SRGAP2C: variants seen among roughly 807,000 people sequenced by gnomAD.
The protein encoded by SRGAP2C is SLIT-ROBO Rho GTPase activating protein 2C.
In SRGAP2C, 15 loss-of-function variants were observed where a neutral mutation model predicts 25.1. The observed-to-expected ratio is 0.60, with a 90% CI of 0.40 to 0.92. The LOEUF (loss-of-function observed/expected upper bound fraction) is 0.92. SRGAP2C is among the 40% of genes least tolerant of loss of function. The pLI, the probability that SRGAP2C is intolerant of heterozygous loss-of-function variation, is 0.00. For synonymous variants in SRGAP2C, 44 were observed against 96.6 expected, an observed-to-expected ratio of 0.46 and a Z score of 3.19; for missense variants, 144 against 264.4, an observed-to-expected ratio of 0.54 and a Z score of 3.16.
chr1:121,287,866 C>G (rs1657409883), intron 3 of SRGAP2C, among the ~76,000 whole-genome samples: 1 of 151,804 alleles, frequency 6.6e-6, no homozygotes, highest in Non-Finnish European at 1.5e-5. Flanking sequence ...GGCAGCGCGT[C>G]TGGAGTTGTT....
At chr1:121,271,394 T>C (rs1656955570) in intron 2 of SRGAP2C, among the ~76,000 whole-genome samples, 1 of 150,150 alleles carries the variant, frequency 6.7e-6, no homozygotes, top group African/African-American at 2.4e-5. Context: ...CACTGGTTCC[T>C]GGGTGTTCTC....
chr1:121,289,317 C>G (rs1366048802), intron 3 of SRGAP2C, among the ~76,000 whole-genome samples: 1 of 148,910 alleles, frequency 6.7e-6, no homozygotes, highest in African/African-American at 2.5e-5. Context: ...TGCTGGGGGA[C>G]TCAGTACACC....
chr1:121,225,641 A>G (rs1250810557), intron 2 of SRGAP2C, among the ~76,000 whole-genome samples: 1 of 142,160 alleles, frequency 7.0e-6, no homozygotes, highest in Non-Finnish European at 1.5e-5. Flanking sequence ...GACTTAGTAT[A>G]GTATTATACA....
intron 3 of SRGAP2C, among the ~76,000 whole-genome samples, chr1:121,309,994 A>G (rs1453123279): frequency 3.9e-4 from 7 of 17,984 alleles, no homozygotes; most frequent in African/African-American, 1.4e-3. Context: ...CTGAGGAATC[A>G]CCACACTGAC....
rs1299489939 is a variant in SRGAP2C, at chr1:121,386,118, CTG to C, written c.1057-387_1057-386del. On this transcript the variant is annotated intron_variant, in intron 8 of 9. Coordinates refer to ENST00000367123, the MANE Select transcript of SRGAP2C (RefSeq NM_001329984.2). The stretch of plus-strand genomic sequence containing the variant: ...GACCCACTTCTCTCCTGCTTTCACT[CTG>C]GTGTATGAAGGGGGATGAGGGAGGG... Among the ~76,000 whole-genome samples, 3 of 75,360 alleles carry C rather than the reference CTG, an allele frequency of 4.0e-5. 1 individual carries two copies. Among genetic ancestry groups the C allele is most frequent in the Non-Finnish European group, 7.7e-5 (3 of 38,832 alleles). The allele number at this position is 75,360 out of a possible 152,430, so 49.4% of individuals were successfully genotyped here. A position where few individuals can be genotyped will look rare whatever the true frequency, so the allele number is the denominator to read the frequency against.
chr1:121,306,064 C>T (rs2101590247), intron 3 of SRGAP2C, among the ~76,000 whole-genome samples: 1 of 152,238 alleles, frequency 6.6e-6, no homozygotes, highest in African/African-American at 2.4e-5. Flanking sequence ...GACCTTATGT[C>T]CTTATGTCCT....
intron 4 of SRGAP2C, chr1:121,362,642 A>T (rs868958547): frequency 6.6e-6 from 1 of 152,402 alleles, no homozygotes; most frequent in Middle Eastern, 3.3e-3. Flanking sequence ...TGGCAGGAGG[A>T]GATGGCCCAG....
chr1:121,262,171 GA>G (rs1317056321), intron 2 of SRGAP2C, among the ~76,000 whole-genome samples: 1 of 90,978 alleles, frequency 1.1e-5, no homozygotes, highest in Non-Finnish European at 2.1e-5. Context: ...AACTGATGAG[GA>G]TAGAAGATGA....
chr1:121,357,176 C>G (rs1659083742), intron 4 of SRGAP2C, among the ~76,000 whole-genome samples: 1 of 139,212 alleles, frequency 7.2e-6, no homozygotes, highest in East Asian at 2.2e-4. Context: ...TCAAGTGTTA[C>G]TGCTCACACA....
chr1:121,392,249 A>G lies in SRGAP2C; in HGVS notation c.*4394A>G, dbSNP rs1437214063. The G allele has an allele frequency of 6.6e-6, 1 of 152,184 alleles. No individual in the cohort carries two copies. The highest frequency in any genetic ancestry group is 1.5e-5 in the Non-Finnish European group (1 of 68,010). The allele number at this position is 152,184 out of a possible 1,614,324, so 9.4% of individuals were successfully genotyped here. A position where few individuals can be genotyped will look rare whatever the true frequency, so the allele number is the denominator to read the frequency against. On this transcript the variant is annotated 3_prime_UTR_variant, in exon 10 of 10. Coordinates refer to ENST00000367123, the MANE Select transcript of SRGAP2C (RefSeq NM_001329984.2). ...CTAGAAGGATAAATTATGTTGTTAA[A>G]AAGTTTACCATTCTTTCTTTTCACC...
intron 3 of SRGAP2C, among the ~76,000 whole-genome samples, chr1:121,305,232 A>G (rs1305083603): frequency 2.6e-5 from 4 of 151,822 alleles, no homozygotes; most frequent in Admixed American, 2.0e-4. Context: ...GCATCTGCTC[A>G]GCTGTAGGCC....
chr1:121,197,845 T>G (rs587697958), intron 2 of SRGAP2C, among the ~76,000 whole-genome samples: 2 of 350 alleles, frequency 5.7e-3, no homozygotes, highest in Non-Finnish European at 0.017. Context: ...CATAAGGCTT[T>G]CTGTAATTGA....
intron 7 of SRGAP2C, 34 bp downstream of exon 7, chr1:121,374,988 T>G (rs781993201): frequency 3.9e-6 from 3 of 766,712 alleles, no homozygotes; most frequent in South Asian, 2.7e-5. Flanking sequence ...TGAGGGCCCC[T>G]CTTTTCTGGT....
intron 5 of SRGAP2C, among the ~76,000 whole-genome samples, chr1:121,370,571 A>G (rs1659458232): frequency 6.8e-6 from 1 of 147,348 alleles, no homozygotes; most frequent in Non-Finnish European, 1.5e-5. Context: ...CCTCCCGAGT[A>G]GCTGGGACTA....
In SRGAP2C at chr1:121,281,356, CTTCT is replaced by C. The variant is rs1251595259; in HGVS notation, c.68-3440_68-3437del. Among the ~76,000 whole-genome samples, 8 of 151,690 alleles carry C rather than the reference CTTCT, an allele frequency of 5.3e-5. No homozygotes were observed. In the South Asian group the frequency reaches 1.2e-3, roughly 24 times the overall value. On this transcript the variant is annotated intron_variant, in intron 2 of 9. Transcript: ENST00000367123. ...TCCTTCTTCCTTCTTCATTCTCTTT[CTTCT>C]TTCTTTTTCTCCTCCTTTTCCTTCT... is the stretch of plus-strand genomic sequence containing the variant.
At chr1:121,305,201 CCAGCATCAGCAT>C (rs1293401377) in intron 3 of SRGAP2C, among the ~76,000 whole-genome samples, 193 of 152,054 alleles carry the variant, frequency 1.3e-3, no homozygotes, top group Non-Finnish European at 2.1e-3. Context: ...AACCAAGAAT[CCAGCATCAGCAT>C]CAGCATCAGC....
chr1:121,355,467 G>A (rs1260837384), intron 4 of SRGAP2C, among the ~76,000 whole-genome samples: 2 of 85,252 alleles, frequency 2.3e-5, no homozygotes, highest in Admixed American at 2.4e-4. Flanking sequence ...ACAGGTGCCC[G>A]CCACTACGCC....
chr1:121,345,843 G>T (rs1553343763), intron 4 of SRGAP2C, among the ~76,000 whole-genome samples: 4 of 143,594 alleles, frequency 2.8e-5, no homozygotes, highest in Non-Finnish European at 6.1e-5. Flanking sequence ...TAGAGACAGG[G>T]TTTCACTATG....
Position 121,392,685 on chromosome 1 carries a change from G to A in SRGAP2C, c.*4830G>A, listed in dbSNP as rs1660131636. 1.3e-5 allele frequency: 1 copy of A among 76,170 alleles called. No homozygotes were observed. Among genetic ancestry groups the A allele is most frequent in the South Asian group, 4.9e-4 (1 of 2,058 alleles). The allele number at this position is 76,170 out of a possible 1,614,324, so 4.7% of individuals were successfully genotyped here. A position where few individuals can be genotyped will look rare whatever the true frequency, so the allele number is the denominator to read the frequency against. ...ATCTAATTCATATTGTAAGTATAGA[G>A]GGAGTTTAATATAAAATTATTAAAC... On this transcript the variant is annotated 3_prime_UTR_variant, in exon 10 of 10. Transcript: ENST00000367123.
Sources: allele counts gnomAD v4.1 joint callset (sites outside exome capture counted in the v4.1 genomes callset), GRCh38; gene constraint gnomAD v4.1.1; transcripts MANE v1.5; gene names NCBI Gene and HGNC (gene_info 2026-07-23, HGNC 2026-07-21).